The following RMDN1 variants were observed in gnomAD, a reference collection of about 807,000 sequenced individuals.
RMDN1 encodes the protein regulator of microtubule dynamics protein 1.
Under a neutral mutation model 48.9 loss-of-function variants are expected in RMDN1, and 48 were observed. The observed-to-expected ratio is 0.98, with a 90% CI of 0.78 to 1.25. The LOEUF (loss-of-function observed/expected upper bound fraction) is 1.25, where lower values mean the gene tolerates loss of function less well. Ranked by LOEUF, RMDN1 falls within the 50% of genes most tolerant of loss-of-function variation. The pLI is 0.00. For synonymous variants in RMDN1, 148 were observed against 132.6 expected (o/e 1.12, Z -0.80); for missense variants, 418 against 373.4 (o/e 1.12, Z -0.98).
In RMDN1 at chr8:86,489,389, CT is replaced by C. The variant is rs374797921; in HGVS notation, c.248-751del. ...CTGTCTACTTAATGAAAAAAACAGT[CT>C]GAATTTCGGGAAATTCCAATTATTA... On this transcript the variant is annotated intron_variant, in intron 2 of 9. Transcript: ENST00000406452. 1.9e-4 allele frequency among the ~76,000 whole-genome samples: 29 copies of C among 152,284 alleles called. No individual in the cohort carries two copies. The East Asian group carries it at 5.6e-3, about 29-fold the overall frequency.
At position 86,474,121 on chromosome 8, in the gene RMDN1, A is replaced by C. The variant is rs1260541695; in HGVS notation, c.*187T>G. ...TGAGCCATGGAGATTTATTTCTACCACTCTTATGGCGATTATTTATTTTAC... is the reference window on the plus strand; with the variant it reads ...TGAGCCATGGAGATTTATTTCTACCCCTCTTATGGCGATTATTTATTTTAC... On this transcript the variant is annotated 3_prime_UTR_variant, in exon 10 of 10. Transcript: ENST00000406452. 2 of 1,308,938 alleles carry C rather than the reference A, an allele frequency of 1.5e-6. No individual in the cohort carries two copies. The highest frequency in any genetic ancestry group is 1.9e-6 in the Non-Finnish European group (2 of 1,030,288). The allele number at this position is 1,308,938 out of a possible 1,614,324, so 81.1% of individuals were successfully genotyped here. A position where few individuals can be genotyped will look rare whatever the true frequency, so the allele number is the denominator to read the frequency against.
chr8:86,478,817 T>C (rs1288238387), intron 7 of RMDN1, 106 bp downstream of exon 7: 11 of 832,326 alleles, frequency 1.3e-5, no homozygotes, highest in African/African-American at 1.2e-4. Flanking sequence ...TCATTAGAAA[T>C]TGCTCAAGTC....
intron 2 of RMDN1, among the ~76,000 whole-genome samples, chr8:86,489,030 G>C (rs897973711): frequency 3.3e-5 from 5 of 152,222 alleles, no homozygotes; most frequent in Admixed American, 6.5e-5. Flanking sequence ...TGGGCTCCAT[G>C]TGGCCTAGGG....
At chr8:86,495,135 T>C (rs1486903799) in intron 2 of RMDN1, among the ~76,000 whole-genome samples, 5 of 151,972 alleles carry the variant, frequency 3.3e-5, no homozygotes, top group African/African-American at 4.8e-5. Flanking sequence ...GCTGAACAGA[T>C]ACTCAGAAAG....
chr8:86,485,006 C>A, intron 4 of RMDN1, 45 bp from the exon 5 acceptor site: 1 of 1,068,650 alleles, frequency 9.4e-7, no homozygotes, highest in Non-Finnish European at 1.4e-6. Context: ...TCTTAATATT[C>A]CATTCAATAC....
In RMDN1 at chr8:86,480,324, A is replaced by T. The variant is rs1020309210; in HGVS notation, c.594T>A (p.Ile198=). ...AAGTAGCATCTTTAGGGTTCAGTTCAATTGCTTTCTAACAAGAAATGAGAA... is the reference window on the plus strand; with the variant it reads ...AAGTAGCATCTTTAGGGTTCAGTTCTATTGCTTTCTAACAAGAAATGAGAA... The part of the protein sequence containing the change: ...YIIKEHFEKA[I]ELNPKDATSI... Residue 198 remains isoleucine (I), a synonymous_variant, in exon 6 of 10, where the codon ATT becomes ATA. Transcript: ENST00000406452. 3 of 1,528,704 alleles carry T rather than the reference A, an allele frequency of 2.0e-6. No homozygotes were observed. Among genetic ancestry groups the T allele is most frequent in the Non-Finnish European group, 1.8e-6 (2 of 1,123,144 alleles). The allele number at this position is 1,528,704 out of a possible 1,614,324, so 94.7% of individuals were successfully genotyped here.
At chr8:86,469,053 A>C (rs889452066), downstream of RMDN1, among the ~76,000 whole-genome samples, 2 of 145,212 alleles carry the variant, frequency 1.4e-5, no homozygotes, top group African/African-American at 5.2e-5. Context: ...TGGCCCAGGG[A>C]ATAGCTCACA....
rs369392601 is a variant in RMDN1, at chr8:86,474,960, A to T, written c.761-7T>A. On this transcript the variant is annotated splice_region_variant and splice_polypyrimidine_tract_variant and intron_variant, in intron 8 of 9. Coordinates refer to ENST00000406452, the MANE Select transcript of RMDN1 (RefSeq NM_016033.3). Reference sequence around the variant, plus strand: ...CTGTAGAAGTTTGGATCCACTGCACATAAGAAAGAAAAAATGATCTCAGAG... The same window carrying T: ...CTGTAGAAGTTTGGATCCACTGCACTTAAGAAAGAAAAAATGATCTCAGAG... 18 of 1,583,476 alleles carry T rather than the reference A, an allele frequency of 1.1e-5. No individual in the cohort carries two copies. The highest frequency in any genetic ancestry group is 5.5e-5 in the African/African-American group (4 of 73,076).
At chr8:86,486,381 TTAAAA>T (rs1317636729) in intron 4 of RMDN1, 98 bp downstream of exon 4, 46 of 820,586 alleles carry the variant, frequency 5.6e-5, no homozygotes, top group Non-Finnish European at 6.4e-5. Flanking sequence ...AAAAAAAAAC[TTAAAA>T]TAGAGAAATT....
At chr8:86,480,709 T>A (rs764785800) in intron 5 of RMDN1, among the ~76,000 whole-genome samples, 13 of 152,126 alleles carry the variant, frequency 8.5e-5, no homozygotes, top group Non-Finnish European at 1.9e-4. Context: ...AAACTGTAGA[T>A]GAATACTGAA....
At chr8:86,486,305 A>T (rs762166908) in intron 4 of RMDN1, among the ~76,000 whole-genome samples, 179 bp downstream of exon 4, 1 of 152,206 alleles carries the variant, frequency 6.6e-6, no homozygotes, top group Non-Finnish European at 1.5e-5. Flanking sequence ...ACTTATAAAA[A>T]TAACTATCTT....
rs926051007 is a variant in RMDN1 at position 86,473,691 on chromosome 8, G to A, written c.*617C>T. The A allele has an allele frequency of 8.7e-5, 40 of 457,752 alleles. No individual in the cohort carries two copies. Among genetic ancestry groups the A allele is most frequent in the Non-Finnish European group, 5.2e-5 (18 of 348,012 alleles). 28.4% of individuals were successfully genotyped at this position (457,752 alleles called of 1,614,324 possible). On this transcript the variant is annotated 3_prime_UTR_variant, in exon 10 of 10. Transcript: ENST00000406452. ...TAAGGCAGGAGAATCACTTGAACCC[G>A]GGAGGCGGAGGCTGCAGTGGGCCGA...
At chr8:86,500,616 G>A (rs781428240) in intron 2 of RMDN1, among the ~76,000 whole-genome samples, 4 of 151,390 alleles carry the variant, frequency 2.6e-5, no homozygotes, top group South Asian at 2.1e-4. Context: ...TTCAGCCACC[G>A]TAGAAAGCAG....
intron 2 of RMDN1, among the ~76,000 whole-genome samples, chr8:86,502,833 T>A (rs990075783): frequency 6.6e-6 from 1 of 152,170 alleles, no homozygotes; most frequent in Admixed American, 6.5e-5. Flanking sequence ...CTCTGTAGCA[T>A]GTTCTTTTTC....
In RMDN1 at chr8:86,480,300, A is replaced by T; in HGVS notation, c.618T>A (p.Thr206=). 2.6e-6 allele frequency: 4 copies of T among 1,546,148 alleles called. No homozygotes were observed. Among genetic ancestry groups the T allele is most frequent in the Non-Finnish European group, 2.6e-6 (3 of 1,135,454 alleles). Residue 206 remains threonine (T), a synonymous_variant, in exon 6 of 10, where the codon ACT becomes ACA. Transcript: ENST00000406452. ...ACCAAATACCCATAAGGTGAATTGA[A>T]GTAGCATCTTTAGGGTTCAGTTCAA... ...KAIELNPKDA[T]SIHLMGIWCY...
At chr8:86,485,999 A>T (rs929226344) in intron 4 of RMDN1, among the ~76,000 whole-genome samples, 5 of 152,208 alleles carry the variant, frequency 3.3e-5, no homozygotes, top group African/African-American at 1.2e-4. Flanking sequence ...CGATTTACTG[A>T]AAAACGTTGT....
At chr8:86,471,218 A>C (rs1385065756), downstream of RMDN1, among the ~76,000 whole-genome samples, 1 of 151,238 alleles carries the variant, frequency 6.6e-6, no homozygotes, top group Non-Finnish European at 1.5e-5. Flanking sequence ...AAGTTCTAAT[A>C]AGGAATCAGG....
chr8:86,497,126 GAC>G (rs1254599286), intron 2 of RMDN1, among the ~76,000 whole-genome samples: 3 of 152,222 alleles, frequency 2.0e-5, no homozygotes, highest in African/African-American at 7.2e-5. Context: ...GAATCTGTGA[GAC>G]ACAGCTAAAG....
chr8:86,480,958 A>G (rs1426732054), intron 5 of RMDN1, among the ~76,000 whole-genome samples: 1 of 152,132 alleles, frequency 6.6e-6, no homozygotes, highest in Non-Finnish European at 1.5e-5. Context: ...TCCCTAATTT[A>G]TATTTACTAT....
Sources: allele counts gnomAD v4.1 joint callset (sites outside exome capture counted in the v4.1 genomes callset), GRCh38; gene constraint gnomAD v4.1.1; transcripts MANE v1.5; gene names NCBI Gene and HGNC (gene_info 2026-07-23, HGNC 2026-07-21).